Variants in ROBO2 observed in about 807,000 individuals in gnomAD.
The protein encoded by ROBO2 is roundabout guidance receptor 2.
ROBO2 carries 53 observed loss-of-function variants against 160.8 expected under a neutral mutation model. The observed-to-expected ratio is 0.33, with a 90% confidence interval of 0.26 to 0.41. ROBO2 has a LOEUF of 0.41. Ranked by LOEUF, ROBO2 falls within the 10% of genes least tolerant of loss-of-function variation. The pLI, the probability that ROBO2 is intolerant of heterozygous loss-of-function variation, is 1.00. For synonymous variants in ROBO2, 664 were observed against 611.7 expected (o/e 1.09, Z -1.26); for missense variants, 1,577 against 1,722.4 (o/e 0.92, Z 1.49).
At chr3:76,466,803 A>G (rs1003276194) in intron 2 of ROBO2, among the ~76,000 whole-genome samples, 3 of 151,868 alleles carry the variant, frequency 2.0e-5, no homozygotes, top group African/African-American at 7.2e-5. Flanking sequence ...GATATATAGG[A>G]CCTTTCTCAT....
chr3:76,237,138 A>G (rs2107498292), intron 2 of ROBO2, among the ~76,000 whole-genome samples: 1 of 152,278 alleles, frequency 6.6e-6, no homozygotes, highest in Admixed American at 6.5e-5. Context: ...CTTCAATTAC[A>G]GAAGCCATTA....
intron 5 of ROBO2, among the ~76,000 whole-genome samples, chr3:77,519,828 T>C (rs2090407564): frequency 6.6e-6 from 1 of 151,518 alleles, no homozygotes; most frequent in Admixed American, 6.6e-5. Flanking sequence ...ATGGTAGTTC[T>C]GTTTTAAGTT....
At chr3:76,637,256 A>C (rs2090392750) in intron 2 of ROBO2, among the ~76,000 whole-genome samples, 1 of 151,978 alleles carries the variant, frequency 6.6e-6, no homozygotes, top group Non-Finnish European at 1.5e-5. Context: ...CAAGAGACAA[A>C]CCCTGGAGAT....
intron 2 of ROBO2, among the ~76,000 whole-genome samples, chr3:76,806,215 G>C (rs113364600): frequency 0.03 from 98 of 3,302 alleles, no homozygotes; most frequent in African/African-American, 0.11. Flanking sequence ...TTCTGTGTGC[G>C]TGTGTGTGTG....
intron 1 of ROBO2, among the ~76,000 whole-genome samples, chr3:75,920,991 C>T (rs1166796724): frequency 2.6e-5 from 4 of 152,106 alleles, no homozygotes; most frequent in South Asian, 2.1e-4. Context: ...TCCAATTTTC[C>T]AGTCTATGTC....
Position 77,574,356 on chromosome 3 carries a change from C to G in ROBO2, c.1972-143C>G. The G allele has an allele frequency of 1.1e-5, 8 of 711,308 alleles. No individual in the cohort carries two copies. The South Asian group carries it at 1.2e-4, about 10-fold the overall frequency. 44.1% of individuals were successfully genotyped at this position (711,308 alleles called of 1,614,324 possible). A position where few individuals can be genotyped will look rare whatever the true frequency, so the allele number is the denominator to read the frequency against. ...CTAAAAGGATAGAAGTTATTAGAAG[C>G]AGAGAGATTAGCTAGAAAGTCATGA... On this transcript the variant is annotated intron_variant, in intron 13 of 25. Transcript: ENST00000461745.
At chr3:76,747,426 TAAAC>T (rs1471504574) in intron 2 of ROBO2, among the ~76,000 whole-genome samples, 2 of 152,086 alleles carry the variant, frequency 1.3e-5, no homozygotes, top group Non-Finnish European at 2.9e-5. Context: ...TATTTCTAAA[TAAAC>T]TGTATATTTT....
chr3:75,948,920 C>T (rs1948431986), intron 2 of ROBO2, among the ~76,000 whole-genome samples: 1 of 152,076 alleles, frequency 6.6e-6, no homozygotes, highest in African/African-American at 2.4e-5. Flanking sequence ...TCTGTTAGGA[C>T]ATTTATTTCC....
At chr3:77,139,957 C>G (rs182584210) in intron 2 of ROBO2, among the ~76,000 whole-genome samples, 1 of 152,292 alleles carries the variant, frequency 6.6e-6, no homozygotes, top group African/African-American at 2.4e-5. Context: ...TTTACCTCCT[C>G]ATGACCAGCT....
intron 2 of ROBO2, among the ~76,000 whole-genome samples, chr3:76,805,749 T>C (rs985916438): frequency 6.6e-6 from 1 of 151,476 alleles, no homozygotes; most frequent in Non-Finnish European, 1.5e-5. Context: ...TAAGCAACCT[T>C]CACATCTTAC....
chr3:76,974,605 T>C (rs2059724505), intron 2 of ROBO2, among the ~76,000 whole-genome samples: 1 of 152,226 alleles, frequency 6.6e-6, no homozygotes, highest in African/African-American at 2.4e-5. Context: ...CTTATTCTTT[T>C]CTGACACAGC....
chr3:76,452,155 T>C (rs2077506187), intron 2 of ROBO2, among the ~76,000 whole-genome samples: 1 of 152,160 alleles, frequency 6.6e-6, no homozygotes, highest in South Asian at 2.1e-4. Flanking sequence ...GTTACTTTGC[T>C]TTTCTCTTCC....
chr3:76,830,699 G>GGGCAT (rs148215694), intron 2 of ROBO2, among the ~76,000 whole-genome samples: 1 of 151,476 alleles, frequency 6.6e-6, no homozygotes, highest in Admixed American at 6.6e-5. Context: ...CCTAGGGGCT[G>GGGCAT]GGCACGGTGG....
At position 76,803,840 on chromosome 3, in the gene ROBO2, G is replaced by A. The variant is rs555539165; in HGVS notation, c.110-294174G>A. On this transcript the variant is annotated intron_variant, in intron 2 of 26. Coordinates refer to the ROBO2 transcript ENST00000487694. ...AGGGAATATGATAAACAGAGAAGGC[G>A]GAATCACTTCTAGCTAAGTCATGTA... 1.1e-4 allele frequency among the ~76,000 whole-genome samples: 17 copies of A among 152,170 alleles called. No homozygotes were observed. In the South Asian group the frequency reaches 2.3e-3, roughly 20 times the overall value.
intron 2 of ROBO2, among the ~76,000 whole-genome samples, chr3:76,613,970 G>A (rs11925667): frequency 0.014 from 2,107 of 151,840 alleles, 44 homozygotes; most frequent in African/African-American, 0.046. Context: ...ATGGGTGTAT[G>A]CATGCATGCA....
chr3:76,463,161 A>T (rs1000518748), intron 2 of ROBO2, among the ~76,000 whole-genome samples: 10 of 152,132 alleles, frequency 6.6e-5, no homozygotes, highest in Admixed American at 4.6e-4. Flanking sequence ...GCTCAATGGC[A>T]CAGGCAGGAT....
In ROBO2 at chr3:76,939,979, A is replaced by ATTTTTTTT. The variant is rs71104641; in HGVS notation, c.110-158022_110-158015dup. On this transcript the variant is annotated intron_variant, in intron 2 of 26. Transcript: ENST00000487694. ...GGCAGAGGAAGGACAAAGCAACAGG[A>ATTTTTTTT]TTTTTTTTTTTTTTTTTTTTGAGAC... Among the ~76,000 whole-genome samples, 757 of 120,446 alleles carry ATTTTTTTT rather than the reference A, an allele frequency of 6.3e-3. 55 individuals carry two copies. Among genetic ancestry groups the ATTTTTTTT allele is most frequent in the African/African-American group, 0.018 (523 of 28,618 alleles). 79.0% of individuals were successfully genotyped at this position (120,446 alleles called of 152,430 possible).
intron 2 of ROBO2, among the ~76,000 whole-genome samples, chr3:76,061,843 C>T (rs867376402): frequency 1.1e-4 from 17 of 152,164 alleles, no homozygotes; most frequent in Middle Eastern, 6.8e-3. Context: ...AGGCTCTAGA[C>T]GGTCCATTTC....
chr3:77,302,265 A>T (rs1254992129), intron 2 of ROBO2, among the ~76,000 whole-genome samples: 1 of 152,044 alleles, frequency 6.6e-6, no homozygotes, highest in African/African-American at 2.4e-5. Flanking sequence ...TCAATAATAA[A>T]AAAAAAGATA....
Sources: allele counts gnomAD v4.1 joint callset (sites outside exome capture counted in the v4.1 genomes callset), GRCh38; gene constraint gnomAD v4.1.1; transcripts MANE v1.5; gene names NCBI Gene and HGNC (gene_info 2026-07-23, HGNC 2026-07-21).